The following PLCB1 variants were observed in gnomAD, a reference collection of about 807,000 sequenced individuals.
The protein encoded by PLCB1 is phospholipase C beta 1, also known as 1-phosphatidylinositol 4,5-bisphosphate phosphodiesterase beta-1.
PLCB1 carries 46 observed loss-of-function variants against 161.8 expected under a neutral mutation model. The ratio of observed to expected loss-of-function variants is 0.28; its 90% CI spans 0.22 to 0.36. The LOEUF (loss-of-function observed/expected upper bound fraction) is 0.36. Ranked by LOEUF, PLCB1 falls within the 10% of genes least tolerant of loss-of-function variation. The pLI is 1.00. For missense variants in PLCB1, 1,016 were observed against 1,472.5 expected, an observed-to-expected ratio of 0.69 and a Z score of 5.07; for synonymous variants, 517 against 503.7, an observed-to-expected ratio of 1.03 and a Z score of -0.35.
At chr20:8,472,977 T>C (rs1449699276) in intron 3 of PLCB1, among the ~76,000 whole-genome samples, 1 of 152,164 alleles carries the variant, frequency 6.6e-6, no homozygotes, top group African/African-American at 2.4e-5. Context: ...AAACCCATCA[T>C]CTACAAACAG....
chr20:8,557,024 A>T (rs1005281591), intron 3 of PLCB1, among the ~76,000 whole-genome samples: 43 of 149,366 alleles, frequency 2.9e-4, no homozygotes, highest in African/African-American at 4.2e-4. Context: ...AATAAATAAA[A>T]AAAATAATAA....
At chr20:8,250,769 A>T (rs1371717481) in intron 2 of PLCB1, among the ~76,000 whole-genome samples, 2 of 151,982 alleles carry the variant, frequency 1.3e-5, no homozygotes. Context: ...GATGCATTTC[A>T]TCTTACTTTG....
intron 26 of PLCB1, among the ~76,000 whole-genome samples, chr20:8,772,934 AAAAG>A (rs1488400965): frequency 2.0e-5 from 3 of 152,320 alleles, no homozygotes; most frequent in African/African-American, 7.2e-5. Context: ...CCATCTCAAA[AAAAG>A]AAAGAAAAGA....
intron 2 of PLCB1, among the ~76,000 whole-genome samples, chr20:8,218,367 T>C (rs564437177): frequency 5.9e-5 from 9 of 152,212 alleles, no homozygotes; most frequent in Non-Finnish European, 1.2e-4. Context: ...CTAACAGTTT[T>C]CATATAACAA....
intron 2 of PLCB1, among the ~76,000 whole-genome samples, chr20:8,265,252 A>T (rs775664737): frequency 6.6e-6 from 1 of 152,202 alleles, no homozygotes; most frequent in Non-Finnish European, 1.5e-5. Context: ...AGTTGTGAGG[A>T]TTAAATGAGT....
At chr20:8,425,443 A>C (rs1248157552) in intron 3 of PLCB1, among the ~76,000 whole-genome samples, 1 of 152,064 alleles carries the variant, frequency 6.6e-6, no homozygotes, top group African/African-American at 2.4e-5. Context: ...AGTGCTTCTA[A>C]AACTATAAAG....
intron 2 of PLCB1, chr20:8,256,879 T>C (rs763854347): frequency 6.6e-6 from 1 of 152,188 alleles, no homozygotes; most frequent in Non-Finnish European, 1.5e-5. Context: ...GGCAATTTTC[T>C]GTCAATTTGA....
intron 11 of PLCB1, among the ~76,000 whole-genome samples, chr20:8,704,984 C>CTTTTTT (rs368791318): frequency 1.7e-5 from 2 of 118,806 alleles, no homozygotes; most frequent in African/African-American, 3.3e-5. Context: ...CTCCTTTACT[C>CTTTTTT]TTTTTTTTTT....
chr20:8,501,732 C>T (rs377592377), intron 3 of PLCB1, among the ~76,000 whole-genome samples: 2 of 152,078 alleles, frequency 1.3e-5, no homozygotes, highest in Non-Finnish European at 1.5e-5. Flanking sequence ...CCTGTAAATT[C>T]GTGGCTGTTG....
At chr20:8,855,664 GACA>G (rs1370895906) in intron 31 of PLCB1, among the ~76,000 whole-genome samples, 1 of 152,192 alleles carries the variant, frequency 6.6e-6, no homozygotes, top group African/African-American at 2.4e-5. Flanking sequence ...AATGATGCCA[GACA>G]ACATTTTAAA....
intron 3 of PLCB1, among the ~76,000 whole-genome samples, chr20:8,539,547 T>C (rs952313780): frequency 6.6e-6 from 1 of 152,196 alleles, no homozygotes; most frequent in Non-Finnish European, 1.5e-5. Context: ...ACTTTACTGT[T>C]ATACTGTTTT....
chr20:8,173,783 A>C lies in PLCB1; in HGVS notation c.177+23412A>C, dbSNP rs570446855. 3.7e-4 allele frequency among the ~76,000 whole-genome samples: 55 copies of C among 148,706 alleles called. 1 individual carries two copies. Among genetic ancestry groups the C allele is most frequent in the African/African-American group, 1.4e-3 (54 of 38,332 alleles). ...AAGTGCAAAAATAGAAAACTTCAGC[A>C]AAAAAATAGAAGTTTTTAAAAAGAA... is the stretch of plus-strand genomic sequence containing the variant. On this transcript the variant is annotated intron_variant, in intron 2 of 31. Transcript: ENST00000338037.
intron 2 of PLCB1, among the ~76,000 whole-genome samples, chr20:8,317,529 C>G (rs918207177): frequency 6.6e-6 from 1 of 151,902 alleles, no homozygotes; most frequent in African/African-American, 2.4e-5. Flanking sequence ...CCCATCCCCC[C>G]GACACACACA....
intron 31 of PLCB1, among the ~76,000 whole-genome samples, chr20:8,865,133 G>C (rs191312169): frequency 2.6e-5 from 4 of 152,274 alleles, no homozygotes; most frequent in Admixed American, 1.3e-4. Flanking sequence ...GATAACAATG[G>C]AAGAAAAGGG....
At chr20:8,167,902 T>G (rs988432938) in intron 2 of PLCB1, among the ~76,000 whole-genome samples, 12 of 152,262 alleles carry the variant, frequency 7.9e-5, no homozygotes, top group Admixed American at 7.2e-4. Context: ...TGGTCTCAGG[T>G]GGGCTCCTTC....
At chr20:8,734,701 A>G (rs376194268) in intron 19 of PLCB1, among the ~76,000 whole-genome samples, 9 of 152,178 alleles carry the variant, frequency 5.9e-5, no homozygotes, top group African/African-American at 1.2e-4. Flanking sequence ...AGGAAAATCA[A>G]TTTTTTAGAA....
At chr20:8,324,141 A>G (rs1985039840) in intron 2 of PLCB1, among the ~76,000 whole-genome samples, 1 of 152,060 alleles carries the variant, frequency 6.6e-6, no homozygotes, top group Non-Finnish European at 1.5e-5. Flanking sequence ...GTAAGTAAAG[A>G]CGGTTTTAAA....
intron 31 of PLCB1, among the ~76,000 whole-genome samples, chr20:8,852,481 A>C (rs1986921814): frequency 6.6e-6 from 1 of 152,126 alleles, no homozygotes; most frequent in Admixed American, 6.5e-5. Context: ...CAGAACTCCC[A>C]CTAGCCATAT....
chr20:8,200,538 CA>C (rs1314064621), intron 2 of PLCB1, among the ~76,000 whole-genome samples: 5 of 151,878 alleles, frequency 3.3e-5, no homozygotes, highest in Admixed American at 6.6e-5. Context: ...TATTGCCTTT[CA>C]AAATTGGTTA....
Sources: allele counts gnomAD v4.1 joint callset (sites outside exome capture counted in the v4.1 genomes callset), GRCh38; gene constraint gnomAD v4.1.1; transcripts MANE v1.5; gene names NCBI Gene and HGNC (gene_info 2026-07-23, HGNC 2026-07-21).